OR10J1: variants seen among roughly 807,000 people sequenced by gnomAD.
OR10J1 encodes olfactory receptor 10J1.
For synonymous variants in OR10J1, 202 were observed against 143.8 expected, an observed-to-expected ratio of 1.40 and a Z score of -2.89; for missense variants, 474 against 376.6, an observed-to-expected ratio of 1.26 and a Z score of -2.14.
the OR10J1 span, among the ~76,000 whole-genome samples, chr1:159,408,396 A>G: frequency 6.8e-6 from 1 of 146,212 alleles, no homozygotes; most frequent in African/African-American, 2.5e-5. Context: ...ATTCTCACTC[A>G]TAGGTGGGAA....
chr1:159,435,277 C>T (rs1157163805), upstream of OR10J1, among the ~76,000 whole-genome samples: 1 of 152,116 alleles, frequency 6.6e-6, no homozygotes, highest in Non-Finnish European at 1.5e-5. Flanking sequence ...CATCTCACAA[C>T]ATCATTCTCT....
chr1:159,438,282 T>C (rs1324072066), upstream of OR10J1, among the ~76,000 whole-genome samples: 1 of 152,202 alleles, frequency 6.6e-6, no homozygotes, highest in African/African-American at 2.4e-5. Context: ...TAAGATGATA[T>C]TTTAGCCGTG....
the OR10J1 span, among the ~76,000 whole-genome samples, chr1:159,400,255 C>A: frequency 1.3e-5 from 2 of 151,816 alleles, no homozygotes; most frequent in African/African-American, 4.8e-5. Context: ...TGCGAATGGA[C>A]TAAACTCTCC....
chr1:159,440,248 C>T lies in OR10J1; in HGVS notation c.457C>T (p.Leu153=), dbSNP rs1175645134. 2 of 1,614,144 alleles carry T rather than the reference C, an allele frequency of 1.2e-6. No homozygotes were observed. Among genetic ancestry groups the T allele is most frequent in the Admixed American group, 1.7e-5 (1 of 60,020 alleles). The part of the protein sequence containing the change: ...QLVLGACSIG[L]IVAITQVTSV... ...TGTCCTGGGGGCCTGCAGCATTGGG[C>T]TGATTGTAGCAATAACGCAAGTGAC... The change falls in exon 1 of 1, where the codon CTG becomes TTG. Residue 153 remains leucine, a synonymous_variant. Coordinates refer to ENST00000423932, the MANE Select transcript of OR10J1 (RefSeq NM_012351.3).
the OR10J1 span, among the ~76,000 whole-genome samples, chr1:159,410,110 T>C: frequency 1.3e-5 from 2 of 152,222 alleles, no homozygotes; most frequent in Non-Finnish European, 2.9e-5. Context: ...CGGTATTTTA[T>C]TGAGGATTTT....
the OR10J1 span, among the ~76,000 whole-genome samples, chr1:159,422,604 G>C: frequency 6.6e-6 from 1 of 152,154 alleles, no homozygotes; most frequent in Non-Finnish European, 1.5e-5. Flanking sequence ...AAGCTGTTAA[G>C]CCCTAGGGCA....
the OR10J1 span, among the ~76,000 whole-genome samples, chr1:159,417,559 C>T: frequency 6.6e-6 from 1 of 152,162 alleles, no homozygotes; most frequent in African/African-American, 2.4e-5. Flanking sequence ...TAAGACATGC[C>T]TTTCACTTTC....
the OR10J1 span, among the ~76,000 whole-genome samples, chr1:159,426,154 G>A: frequency 6.6e-6 from 1 of 151,700 alleles, no homozygotes; most frequent in African/African-American, 2.4e-5. Flanking sequence ...TAGATATTAG[G>A]AAAACCTAGT....
At position 159,440,938 on chromosome 1, in the gene OR10J1, A is replaced by G; in HGVS notation, c.*217A>G. On this transcript the variant is annotated 3_prime_UTR_variant, in exon 1 of 1. Transcript: ENST00000423932. ...GGGGATAAATAGACAAACAAGGATA[A>G]GATATGCCTAAATAAAAGGCCAGAA... is the stretch of plus-strand genomic sequence containing the variant. 2 of 483,916 alleles carry G rather than the reference A, an allele frequency of 4.1e-6. No individual in the cohort carries two copies. Among genetic ancestry groups the G allele is most frequent in the South Asian group, 9.6e-5 (2 of 20,796 alleles). The allele number at this position is 483,916 out of a possible 1,614,324, so 30.0% of individuals were successfully genotyped here.
At chr1:159,406,455 C>A in the OR10J1 span, 7 of 289,674 alleles carry the variant, frequency 2.4e-5, no homozygotes, top group Non-Finnish European at 4.1e-5. Flanking sequence ...GTTGTCTGAG[C>A]AGCATCAGTT....
At chr1:159,426,808 A>T in the OR10J1 span, among the ~76,000 whole-genome samples, 1 of 151,946 alleles carries the variant, frequency 6.6e-6, no homozygotes, top group South Asian at 2.1e-4. Context: ...AGAAGTAGCC[A>T]AACTCTTCTC....
chr1:159,429,122 A>G, the OR10J1 span, among the ~76,000 whole-genome samples: 1 of 152,236 alleles, frequency 6.6e-6, no homozygotes, highest in Non-Finnish European at 1.5e-5. Flanking sequence ...TTACTTCAGT[A>G]AAGCTCTTCC....
At chr1:159,430,749 A>G in the OR10J1 span, among the ~76,000 whole-genome samples, 1 of 151,732 alleles carries the variant, frequency 6.6e-6, no homozygotes, top group Non-Finnish European at 1.5e-5. Flanking sequence ...AGGAGACAGA[A>G]GAAGGGAGGA....
chr1:159,412,478 C>G, the OR10J1 span, among the ~76,000 whole-genome samples: 1 of 147,818 alleles, frequency 6.8e-6, no homozygotes, highest in African/African-American at 2.6e-5. Context: ...GGTACTGGTA[C>G]CAAAACAGAG....
chr1:159,409,692 C>T, the OR10J1 span, among the ~76,000 whole-genome samples: 1 of 152,136 alleles, frequency 6.6e-6, no homozygotes, highest in South Asian at 2.1e-4. Context: ...ATTTTAATGG[C>T]TCAAATGTTG....
chr1:159,399,570 CAAAAAA>C, the OR10J1 span, among the ~76,000 whole-genome samples: 13 of 56,104 alleles, frequency 2.3e-4, no homozygotes, highest in Non-Finnish European at 3.6e-4. Flanking sequence ...GATTCTGTCT[CAAAAAA>C]AAAAAAAAAA....
upstream of OR10J1, among the ~76,000 whole-genome samples, chr1:159,435,546 T>C (rs892562169): frequency 6.6e-6 from 1 of 152,194 alleles, no homozygotes; most frequent in Admixed American, 6.5e-5. Flanking sequence ...TATTTGAATG[T>C]AAAAAGGGGT....
the OR10J1 span, among the ~76,000 whole-genome samples, chr1:159,404,691 C>T: frequency 3.3e-5 from 5 of 152,080 alleles, no homozygotes; most frequent in African/African-American, 1.2e-4. Context: ...CATGTTACTC[C>T]ATTCATTACA....
At chr1:159,432,904 C>T (rs1558007723), upstream of OR10J1, 1 of 425,240 alleles carries the variant, frequency 2.4e-6, no homozygotes, top group Non-Finnish European at 4.2e-6. Context: ...CAGCTGAGGG[C>T]AGGAGAAAGG....
Sources: allele counts gnomAD v4.1 joint callset (sites outside exome capture counted in the v4.1 genomes callset), GRCh38; gene constraint gnomAD v4.1.1; transcripts MANE v1.5; gene names NCBI Gene and HGNC (gene_info 2026-07-23, HGNC 2026-07-21).